CPNE4: variants seen among roughly 807,000 people sequenced by gnomAD.
The protein encoded by CPNE4 is copine-4.
CPNE4 carries 25 observed loss-of-function variants against 67.9 expected under a neutral mutation model. The observed-to-expected ratio is 0.37, with a 90% confidence interval of 0.27 to 0.51. The LOEUF (loss-of-function observed/expected upper bound fraction) is 0.51, where lower values mean the gene tolerates loss of function less well. Among genes scored for constraint, CPNE4 ranks in the 20% least tolerant of loss-of-function variants. The pLI, the probability that CPNE4 is intolerant of heterozygous loss-of-function variation, is 0.93. For missense variants in CPNE4, 464 were observed against 690.8 expected, an observed-to-expected ratio of 0.67 and a Z score of 3.68; for synonymous variants, 242 against 244.9, an observed-to-expected ratio of 0.99 and a Z score of 0.11.
chr3:131,731,580 G>A (rs2082129067), intron 2 of CPNE4, among the ~76,000 whole-genome samples: 1 of 152,078 alleles, frequency 6.6e-6, no homozygotes, highest in Non-Finnish European at 1.5e-5. Context: ...GCTGTTTTCT[G>A]ATTTCTCGGT....
intron 1 of CPNE4, among the ~76,000 whole-genome samples, chr3:131,985,108 A>C (rs1400651915): frequency 6.6e-6 from 1 of 152,192 alleles, no homozygotes; most frequent in East Asian, 1.9e-4. Flanking sequence ...TCCAAGTTGC[A>C]GAGTGTCAAC....
At chr3:131,700,983 C>T (rs534230038) in intron 3 of CPNE4, among the ~76,000 whole-genome samples, 1 of 151,648 alleles carries the variant, frequency 6.6e-6, no homozygotes, top group South Asian at 2.1e-4. Context: ...TCTCAGCAAA[C>T]TATCGCAAGG....
At chr3:131,790,945 A>G (rs1348790757) in intron 2 of CPNE4, among the ~76,000 whole-genome samples, 6 of 152,104 alleles carry the variant, frequency 3.9e-5, no homozygotes, top group Admixed American at 2.6e-4. Context: ...AGTAATCTTT[A>G]CCAAAAAAAA....
intron 2 of CPNE4, among the ~76,000 whole-genome samples, chr3:131,852,906 A>G (rs1219677048): frequency 6.6e-6 from 1 of 151,660 alleles, no homozygotes; most frequent in Non-Finnish European, 1.5e-5. Flanking sequence ...ATCTTAGCAA[A>G]GCATGTACAA....
intron 2 of CPNE4, among the ~76,000 whole-genome samples, chr3:131,899,756 C>T (rs1242416293): frequency 6.6e-6 from 1 of 152,050 alleles, no homozygotes; most frequent in Admixed American, 6.6e-5. Flanking sequence ...TTGCTTGTCC[C>T]ATTTTCATAA....
intron 1 of CPNE4, among the ~76,000 whole-genome samples, chr3:131,976,319 T>G (rs969556740): frequency 6.6e-6 from 1 of 152,072 alleles, no homozygotes; most frequent in African/African-American, 2.4e-5. Flanking sequence ...ATAAGTTTGC[T>G]TCATATAAAA....
intron 8 of CPNE4, among the ~76,000 whole-genome samples, chr3:131,582,483 A>G (rs1937902383): frequency 6.6e-6 from 1 of 152,136 alleles, no homozygotes; most frequent in South Asian, 2.1e-4. Context: ...AAGAGACAAA[A>G]TTTCACTACC....
chr3:131,978,231 A>ATTTATATATATTTATATAT (rs1340501389), intron 1 of CPNE4, among the ~76,000 whole-genome samples: 1,095 of 14,862 alleles, frequency 0.074, 284 homozygotes, highest in Admixed American at 0.25. Flanking sequence ...AAATTTACAT[A>ATTTATATATATTTATATAT]TTTATATATA....
intron 6 of CPNE4, among the ~76,000 whole-genome samples, chr3:131,674,812 A>G (rs1179949636): frequency 1.3e-5 from 2 of 151,544 alleles, no homozygotes; most frequent in Non-Finnish European, 2.9e-5. Context: ...AATTTCATTT[A>G]TTTCTGATAT....
chr3:131,733,520 G>A (rs955903715), intron 2 of CPNE4, among the ~76,000 whole-genome samples: 5 of 152,158 alleles, frequency 3.3e-5, no homozygotes, highest in African/African-American at 1.2e-4. Flanking sequence ...ATCAACTGCC[G>A]TATACCCCCC....
intron 2 of CPNE4, among the ~76,000 whole-genome samples, chr3:131,813,776 G>GA (rs764189164): frequency 1.7e-4 from 26 of 152,302 alleles, no homozygotes; most frequent in Middle Eastern, 3.4e-3. Context: ...CTGGGAAGGA[G>GA]AAGTCCCAGA....
At chr3:131,995,764 C>G (rs1412502953) in intron 1 of CPNE4, among the ~76,000 whole-genome samples, 2 of 152,190 alleles carry the variant, frequency 1.3e-5, no homozygotes, top group Non-Finnish European at 2.9e-5. Context: ...TGAGCACTTA[C>G]TACTCAAGTC....
chr3:131,605,940 A>G (rs1939475133), intron 7 of CPNE4, among the ~76,000 whole-genome samples: 1 of 152,176 alleles, frequency 6.6e-6, no homozygotes, highest in Middle Eastern at 3.2e-3. Context: ...TTGACTTCTA[A>G]TAAGTACCAT....
chr3:131,671,405 A>G (rs191711096), intron 6 of CPNE4, among the ~76,000 whole-genome samples: 1 of 152,266 alleles, frequency 6.6e-6, no homozygotes, highest in Admixed American at 6.5e-5. Context: ...AATAGCAACT[A>G]GAAATTTCCT....
chr3:131,888,324 G>C (rs2107735161), intron 2 of CPNE4, among the ~76,000 whole-genome samples: 1 of 152,038 alleles, frequency 6.6e-6, no homozygotes, highest in Middle Eastern at 3.4e-3. Context: ...ATCAAAGTAG[G>C]GGAAAAGGTA....
At chr3:131,765,260 A>G (rs1047340810) in intron 2 of CPNE4, among the ~76,000 whole-genome samples, 9 of 152,164 alleles carry the variant, frequency 5.9e-5, no homozygotes, top group African/African-American at 1.7e-4. Flanking sequence ...GTGATAAGCA[A>G]TGCTGGAACC....
chr3:131,988,447 C>T (rs368175500), intron 1 of CPNE4, among the ~76,000 whole-genome samples: 5 of 152,058 alleles, frequency 3.3e-5, no homozygotes, highest in African/African-American at 9.7e-5. Flanking sequence ...AGTTGGAGAG[C>T]GGCCAGAAAG....
At chr3:131,558,129 G>A (rs1936566152) in intron 11 of CPNE4, among the ~76,000 whole-genome samples, 1 of 151,906 alleles carries the variant, frequency 6.6e-6, no homozygotes, top group African/African-American at 2.4e-5. Context: ...AGGAAGGTAG[G>A]GAAAATGCCT....
At chr3:131,888,377 C>A (rs2087976534) in intron 2 of CPNE4, among the ~76,000 whole-genome samples, 1 of 150,668 alleles carries the variant, frequency 6.6e-6, no homozygotes, top group African/African-American at 2.4e-5. Context: ...AGACCATAAT[C>A]TTTCAACAGG....
Sources: allele counts gnomAD v4.1 joint callset (sites outside exome capture counted in the v4.1 genomes callset), GRCh38; gene constraint gnomAD v4.1.1; transcripts MANE v1.5; gene names NCBI Gene and HGNC (gene_info 2026-07-23, HGNC 2026-07-21).